Variants in SH3RF1 observed in about 807,000 individuals in gnomAD.
SH3RF1 encodes SH3 domain containing ring finger 1.
SH3RF1 carries 32 observed loss-of-function variants against 74.0 expected under a neutral mutation model. That is an observed-to-expected ratio of 0.43 (90% CI 0.33 to 0.58). SH3RF1 has a LOEUF of 0.58. Ranked by LOEUF, SH3RF1 falls within the 20% of genes least tolerant of loss-of-function variation. The probability of loss-of-function intolerance (pLI) is 0.05; values close to 1 mark genes in which losing one functional copy is unlikely to be tolerated. For synonymous variants in SH3RF1, 396 were observed against 439.6 expected (o/e 0.90, Z 1.24); for missense variants, 954 against 1,130.9 (o/e 0.84, Z 2.24).
intron 4 of SH3RF1, among the ~76,000 whole-genome samples, chr4:169,141,478 G>A (rs143028977): frequency 1.9e-3 from 288 of 152,110 alleles, no homozygotes; most frequent in African/African-American, 6.1e-3. Context: ...TTTAAAAATC[G>A]TTTTTTGAAG....
At chr4:169,116,160 G>T in intron 10 of SH3RF1, 109 bp downstream of exon 10, 3 of 1,485,066 alleles carry the variant, frequency 2.0e-6, no homozygotes, top group Non-Finnish European at 2.7e-6. Context: ...GCACCTGAGG[G>T]TTTGTTGAAC....
chr4:169,122,133 A>G lies in SH3RF1; in HGVS notation c.1313T>C (p.Ile438Thr), dbSNP rs542963680. ...GCGAGTCTGCGGCCGTAAATGTGCA[A>G]TCTGGTCAGTGGATCCTGCCATGGG... Reference protein sequence around the residue: ...PRPMAGSTDQIAHLRPQTRPS... With the variant: ...PRPMAGSTDQTAHLRPQTRPS... The change falls in exon 7 of 12, where the codon ATT becomes ACT. Residue 438 changes from isoleucine to threonine, a missense_variant. Ile to Thr is a moderately conservative substitution (Grantham distance 89). Around this residue, in one of 3 missense-constraint regions of SH3RF1, gnomAD observed 854 missense variants for 962.5 expected, o/e 0.89. Transcript: ENST00000284637. The G allele has an allele frequency of 5.0e-6, 8 of 1,613,022 alleles. No individual in the cohort carries two copies. The African/African-American group carries it at 8.0e-5, about 16-fold the overall frequency.
intron 4 of SH3RF1, among the ~76,000 whole-genome samples, chr4:169,138,645 T>C (rs1211933937): frequency 6.6e-6 from 1 of 152,230 alleles, no homozygotes; most frequent in African/African-American, 2.4e-5. Flanking sequence ...ATCTAGTTGA[T>C]ATCATGTTTA....
At chr4:169,106,460 A>G (rs941063320) in intron 11 of SH3RF1, among the ~76,000 whole-genome samples, 5 of 151,100 alleles carry the variant, frequency 3.3e-5, no homozygotes, top group African/African-American at 1.2e-4. Flanking sequence ...GCAGGAAACG[A>G]TGTAAATTTT....
intron 2 of SH3RF1, among the ~76,000 whole-genome samples, chr4:169,163,651 G>A (rs760822592): frequency 6.6e-6 from 1 of 152,000 alleles, no homozygotes; most frequent in Non-Finnish European, 1.5e-5. Context: ...CACATTAATG[G>A]TCTAAATCAT....
At chr4:169,113,477 AC>A in intron 10 of SH3RF1, among the ~76,000 whole-genome samples, 1 of 152,312 alleles carries the variant, frequency 6.6e-6, no homozygotes, top group South Asian at 2.1e-4. Flanking sequence ...ACAGTATTAA[AC>A]AAAAGATTTA....
At chr4:169,256,689 T>C (rs1731199004) in intron 2 of SH3RF1, among the ~76,000 whole-genome samples, 1 of 152,106 alleles carries the variant, frequency 6.6e-6, no homozygotes, top group South Asian at 2.1e-4. Context: ...CTCAAACTCC[T>C]GGGCTCAAGC....
chr4:169,162,859 CT>C (rs987357257), intron 2 of SH3RF1, among the ~76,000 whole-genome samples: 3 of 152,102 alleles, frequency 2.0e-5, no homozygotes, highest in Non-Finnish European at 2.9e-5. Context: ...AGCCTTTGGG[CT>C]TTTTTAGCGC....
intron 2 of SH3RF1, among the ~76,000 whole-genome samples, chr4:169,193,230 C>T (rs1427387354): frequency 2.0e-5 from 3 of 152,054 alleles, no homozygotes; most frequent in Non-Finnish European, 4.4e-5. Context: ...CAAATCACCA[C>T]TAAAGAACTC....
rs147986774 is a variant in SH3RF1 at position 169,116,569 on chromosome 4, G to A, written c.1839C>T (p.Ala613=). 176 of 1,599,596 alleles carry A rather than the reference G, an allele frequency of 1.1e-4. No individual in the cohort carries two copies. Among genetic ancestry groups the A allele is most frequent in the Admixed American group, 1.5e-4 (9 of 59,308 alleles). ...CCACAGATGCAGGGCTGAGGCCGGC[G>A]GCATTCTGTACCTGGATGGGTGTCA... ...AAVTPIQVQN[A]AGLSPASVGL... Residue 613 remains alanine (A), a synonymous_variant, in exon 10 of 12, where the codon GCC becomes GCT. Transcript: ENST00000284637.
In SH3RF1 at chr4:169,179,514, G is replaced by GC. The variant is rs1281600569; in HGVS notation, c.394-22836dup. ...CAATATCCAAAATTCTCATCCTTTG[G>GC]CCAGTCTGAGGTTCAATACCAGACA... On this transcript the variant is annotated intron_variant, in intron 2 of 11. Transcript: ENST00000284637. Among the ~76,000 whole-genome samples, 10 of 152,224 alleles carry GC rather than the reference G, an allele frequency of 6.6e-5. No individual in the cohort carries two copies. In the East Asian group the frequency reaches 1.9e-3, roughly 29 times the overall value.
chr4:169,151,674 C>T lies in SH3RF1; in HGVS notation c.765+3806G>A, dbSNP rs181544584. Among the ~76,000 whole-genome samples, 366 of 152,324 alleles carry T rather than the reference C, an allele frequency of 2.4e-3. 4 individuals are homozygous for T. Among genetic ancestry groups the T allele is most frequent in the African/African-American group, 8.5e-3 (354 of 41,568 alleles). The stretch of plus-strand genomic sequence containing the variant: ...GTAACTACTGAGTAAGAATAGTTGT[C>T]TATGAGGCCACTCCAACTTCAGGCC... On this transcript the variant is annotated intron_variant, in intron 4 of 11. Transcript: ENST00000284637.
chr4:169,176,569 C>T (rs1426202505), intron 2 of SH3RF1, among the ~76,000 whole-genome samples: 2 of 152,078 alleles, frequency 1.3e-5, no homozygotes, highest in Non-Finnish European at 2.9e-5. Flanking sequence ...GAGACAGAGT[C>T]TCACTCTGTC....
intron 2 of SH3RF1, among the ~76,000 whole-genome samples, chr4:169,199,952 T>C (rs1734882315): frequency 6.6e-6 from 1 of 151,508 alleles, no homozygotes; most frequent in African/African-American, 2.4e-5. Context: ...ACCTAAAACA[T>C]AAAGACATAA....
intron 2 of SH3RF1, among the ~76,000 whole-genome samples, chr4:169,242,901 T>C (rs139035508): frequency 1.3e-5 from 2 of 152,328 alleles, no homozygotes; most frequent in African/African-American, 2.4e-5. Context: ...TCATTATAAA[T>C]CACCCAGCCT....
intron 2 of SH3RF1, among the ~76,000 whole-genome samples, chr4:169,194,404 A>G (rs1047660385): frequency 6.6e-6 from 1 of 152,168 alleles, no homozygotes; most frequent in Non-Finnish European, 1.5e-5. Context: ...GCTTTTGCCT[A>G]AGTATGCATC....
intron 2 of SH3RF1, among the ~76,000 whole-genome samples, chr4:169,225,473 G>A (rs1730642550): frequency 6.6e-6 from 1 of 152,214 alleles, no homozygotes; most frequent in South Asian, 2.1e-4. Context: ...CTAGGGACAT[G>A]AGGAAGGGAA....
chr4:169,176,373 G>C (rs910088989), intron 2 of SH3RF1, among the ~76,000 whole-genome samples: 6 of 152,176 alleles, frequency 3.9e-5, no homozygotes, highest in Non-Finnish European at 8.8e-5. Flanking sequence ...TAATTTGCCA[G>C]TGACACAAAC....
chr4:169,185,318 G>A lies in SH3RF1; in HGVS notation c.394-28639C>T, dbSNP rs527507139. Among the ~76,000 whole-genome samples, 7 of 152,210 alleles carry A rather than the reference G, an allele frequency of 4.6e-5. No homozygotes were observed. In the South Asian group the frequency reaches 8.3e-4, roughly 18 times the overall value. ...CGGTGGGAGGCAGTGATAGCCTGCC[G>A]CTACAAGCCTCACACAATTGATGAA... is the stretch of plus-strand genomic sequence containing the variant. On this transcript the variant is annotated intron_variant, in intron 2 of 11. Transcript: ENST00000284637.
Sources: allele counts gnomAD v4.1 joint callset (sites outside exome capture counted in the v4.1 genomes callset), GRCh38; gene constraint gnomAD v4.1.1; regional missense constraint gnomAD v4.1.1; transcripts MANE v1.5; gene names NCBI Gene and HGNC (gene_info 2026-07-23, HGNC 2026-07-21).